LCORL: variants seen among roughly 807,000 people sequenced by gnomAD.
LCORL encodes the protein ligand-dependent nuclear receptor corepressor-like protein.
A neutral mutation model predicts 141.8 loss-of-function variants in LCORL; 41 were observed. The observed-to-expected ratio is 0.29, with a 90% CI of 0.23 to 0.38. The LOEUF is 0.38. Among genes scored for constraint, LCORL ranks in the 10% least tolerant of loss-of-function variants. The pLI, the probability that LCORL is intolerant of heterozygous loss-of-function variation, is 1.00. For missense variants in LCORL, 1,759 were observed against 2,035.0 expected, an observed-to-expected ratio of 0.86 and a Z score of 2.61; for synonymous variants, 618 against 694.1, an observed-to-expected ratio of 0.89 and a Z score of 1.72.
chr4:17,859,230 T>C (rs981264434), intron 7 of LCORL, among the ~76,000 whole-genome samples: 2 of 152,178 alleles, frequency 1.3e-5, no homozygotes, highest in Non-Finnish European at 2.9e-5. Context: ...ATGTAAATGT[T>C]CTGAGAATAT....
At chr4:17,990,323 T>A (rs980126455) in intron 1 of LCORL, among the ~76,000 whole-genome samples, 7 of 151,864 alleles carry the variant, frequency 4.6e-5, no homozygotes, top group African/African-American at 1.7e-4. Context: ...ATGGTCTTGA[T>A]CTCCTGACCT....
intron 2 of LCORL, among the ~76,000 whole-genome samples, chr4:17,964,537 C>A (rs532935322): frequency 1.3e-5 from 2 of 152,020 alleles, no homozygotes; most frequent in Non-Finnish European, 2.9e-5. Flanking sequence ...AAACTGGTCA[C>A]CTTCTGTAAA....
At chr4:17,922,264 G>A (rs548849472) in intron 4 of LCORL, among the ~76,000 whole-genome samples, 1 of 152,236 alleles carries the variant, frequency 6.6e-6, no homozygotes, top group Admixed American at 6.5e-5. Context: ...TTCTGGAATT[G>A]GCTGCTTAAT....
chr4:17,917,056 C>A (rs983886002), intron 4 of LCORL, among the ~76,000 whole-genome samples: 1 of 151,932 alleles, frequency 6.6e-6, no homozygotes, highest in Non-Finnish European at 1.5e-5. Flanking sequence ...CTCATTGCAA[C>A]CTCTGCCTCT....
chr4:17,916,610 G>C (rs1313702082), intron 4 of LCORL, among the ~76,000 whole-genome samples: 2 of 149,814 alleles, frequency 1.3e-5, no homozygotes, highest in African/African-American at 2.5e-5. Context: ...CTTACAGACT[G>C]CAAAAGCATG....
intron 4 of LCORL, chr4:17,912,530 A>G (rs1049694611): frequency 2.1e-6 from 1 of 480,978 alleles, no homozygotes; most frequent in Admixed American, 2.3e-5. Flanking sequence ...TGAGGAGAGC[A>G]CCACAGTCAT....
chr4:17,994,483 A>G (rs1720570563), intron 1 of LCORL, among the ~76,000 whole-genome samples: 1 of 152,170 alleles, frequency 6.6e-6, no homozygotes, highest in Admixed American at 6.5e-5. Context: ...ACTCATTCTT[A>G]AAAATTGTAG....
intron 5 of LCORL, among the ~76,000 whole-genome samples, chr4:17,904,489 A>G (rs1731324902): frequency 6.6e-6 from 1 of 152,110 alleles, no homozygotes; most frequent in Non-Finnish European, 1.5e-5. Context: ...CCTACTTTGA[A>G]TTAAGATATT....
rs370856312 is a variant in LCORL, at chr4:17,873,296, T to C, written c.5602+92A>G. 5.9e-6 allele frequency: 5 copies of C among 853,322 alleles called. No individual in the cohort carries two copies. In the African/African-American group the frequency reaches 7.0e-5, roughly 12 times the overall value. 52.9% of individuals were successfully genotyped at this position (853,322 alleles called of 1,614,324 possible). ...GTTGTCCAAATATTTTGGAAACTAA[T>C]TAAAACTGCATCAGCTGTTCCTTTT... On this transcript the variant is annotated intron_variant, in intron 7 of 7. Transcript: ENST00000635767.
intron 1 of LCORL, among the ~76,000 whole-genome samples, chr4:17,984,175 T>C (rs1463299397): frequency 6.6e-6 from 1 of 152,214 alleles, no homozygotes; most frequent in Non-Finnish European, 1.5e-5. Context: ...TCTCCCAGTA[T>C]TTTGTTGAGG....
chr4:17,998,158 T>C (rs932930025), intron 1 of LCORL, among the ~76,000 whole-genome samples: 8 of 152,106 alleles, frequency 5.3e-5, no homozygotes, highest in African/African-American at 1.9e-4. Context: ...AGATACAAAA[T>C]AGTATACCTG....
intron 4 of LCORL, among the ~76,000 whole-genome samples, chr4:17,945,437 C>T (rs139875055): frequency 2.7e-5 from 4 of 150,646 alleles, no homozygotes; most frequent in Non-Finnish European, 5.9e-5. Context: ...TAGAATTTAT[C>T]GTCAATACAA....
chr4:17,943,063 A>G (rs1738232465), intron 4 of LCORL, among the ~76,000 whole-genome samples: 1 of 152,158 alleles, frequency 6.6e-6, no homozygotes, highest in African/African-American at 2.4e-5. Context: ...CCTGAGAAAA[A>G]TTGTCTTCTA....
intron 6 of LCORL, chr4:17,883,287 T>C (rs1727820984): frequency 9.1e-6 from 9 of 989,698 alleles, no homozygotes; most frequent in Non-Finnish European, 1.1e-5. Context: ...GTTAAGTCTG[T>C]TGTATAGAAT....
chr4:17,871,393 C>T (rs907686159), intron 7 of LCORL, among the ~76,000 whole-genome samples: 1 of 151,758 alleles, frequency 6.6e-6, no homozygotes, highest in Non-Finnish European at 1.5e-5. Context: ...TTTAAAACTG[C>T]CCAAAAGGAT....
intron 1 of LCORL, among the ~76,000 whole-genome samples, chr4:17,976,313 C>T (rs1050068668): frequency 1.2e-4 from 18 of 151,912 alleles, no homozygotes; most frequent in African/African-American, 4.4e-4. Flanking sequence ...TATTTATTTC[C>T]TCTGTTATAC....
chr4:17,943,659 G>A (rs1039912867), intron 4 of LCORL, among the ~76,000 whole-genome samples: 3 of 152,180 alleles, frequency 2.0e-5, no homozygotes, highest in Non-Finnish European at 4.4e-5. Context: ...TAAAGTAAGT[G>A]GACATGGGCT....
intron 1 of LCORL, among the ~76,000 whole-genome samples, chr4:17,997,264 T>C (rs1229056691): frequency 6.6e-6 from 1 of 152,176 alleles, no homozygotes; most frequent in Non-Finnish European, 1.5e-5. Flanking sequence ...TTGGAATTCG[T>C]TGTTACCAAC....
chr4:17,850,194 G>T lies in LCORL; in HGVS notation c.5603-4293C>A, dbSNP rs1454545320. On this transcript the variant is annotated intron_variant, in intron 7 of 7. Transcript: ENST00000635767. Reference sequence around the variant, plus strand: ...ATAAAAACCCTAGAAGAAAACCTAGGCATTACCATTCAGGACATAGGCATG... The same window carrying T: ...ATAAAAACCCTAGAAGAAAACCTAGTCATTACCATTCAGGACATAGGCATG... Among the ~76,000 whole-genome samples the T allele has an allele frequency of 3.5e-5, 5 of 142,306 alleles. No individual in the cohort carries two copies. In the Admixed American group the frequency reaches 3.5e-4, roughly 10 times the overall value. 93.4% of individuals were successfully genotyped at this position (142,306 alleles called of 152,430 possible). A position where few individuals can be genotyped will look rare whatever the true frequency, so the allele number is the denominator to read the frequency against.
Sources: allele counts gnomAD v4.1 joint callset (sites outside exome capture counted in the v4.1 genomes callset), GRCh38; gene constraint gnomAD v4.1.1; transcripts MANE v1.5; gene names NCBI Gene and HGNC (gene_info 2026-07-23, HGNC 2026-07-21).